CHRNA7: variants seen among roughly 807,000 people sequenced by gnomAD.
CHRNA7 encodes cholinergic receptor nicotinic alpha 7 subunit.
A neutral mutation model predicts 48.0 loss-of-function variants in CHRNA7; 17 were observed. The observed-to-expected ratio is 0.35, with a 90% CI of 0.24 to 0.53. The LOEUF (loss-of-function observed/expected upper bound fraction) is 0.53. CHRNA7 is among the 20% of genes least tolerant of loss of function. CHRNA7 has a pLI of 0.92. For missense variants in CHRNA7, 155 were observed against 577.7 expected (o/e 0.27, Z 7.50); for synonymous variants, 75 against 242.3 (o/e 0.31, Z 6.41).
At chr15:32,153,817 CT>C in intron 4 of CHRNA7, 89 bp from the exon 5 acceptor site, 2 of 410,744 alleles carry the variant, frequency 4.9e-6, no homozygotes, top group Non-Finnish European at 9.5e-6. Context: ...CTCTCAAGGT[CT>C]TTGCTGCTCC....
rs138918637 is a variant in CHRNA7 at position 32,098,379 on chromosome 15, C to T, written c.196-2924C>T. 6.9e-3 allele frequency among the ~76,000 whole-genome samples: 1,050 copies of T among 152,216 alleles called. 10 individuals are homozygous for T. Among genetic ancestry groups the T allele is most frequent in the African/African-American group, 0.024 (1,006 of 41,530 alleles). ...GGGAGGGAGGGCTTTTCTTGCCAGC[C>T]GGTCAAGGTCTTATAGGAGAAGACA... On this transcript the variant is annotated intron_variant, in intron 2 of 9. Transcript: ENST00000306901.
At chr15:32,052,139 G>T (rs1002411501) in intron 2 of CHRNA7, among the ~76,000 whole-genome samples, 1 of 151,512 alleles carries the variant, frequency 6.6e-6, no homozygotes, top group African/African-American at 2.4e-5. Context: ...CTCTCTTCCT[G>T]GATCTTGTCC....
At chr15:32,104,122 A>T (rs193269983) in intron 3 of CHRNA7, among the ~76,000 whole-genome samples, 5 of 152,196 alleles carry the variant, frequency 3.3e-5, no homozygotes, top group Non-Finnish European at 5.9e-5. Flanking sequence ...GTCTCCCTGG[A>T]CAGCATAGGA....
chr15:32,032,903 A>G lies in CHRNA7; in HGVS notation c.195+1866A>G, dbSNP rs140736166. 1.1e-4 allele frequency among the ~76,000 whole-genome samples: 17 copies of G among 152,322 alleles called. No homozygotes were observed. The East Asian group carries it at 3.1e-3, about 28-fold the overall frequency. Reference sequence around the variant, plus strand: ...TCTTTAAGAGACTCTTAAGAAACCAAGTTATTATGAGGAGCTCTGAGTCTT... The same window carrying G: ...TCTTTAAGAGACTCTTAAGAAACCAGGTTATTATGAGGAGCTCTGAGTCTT... On this transcript the variant is annotated intron_variant, in intron 2 of 9. Coordinates refer to ENST00000306901, the MANE Select transcript of CHRNA7 (RefSeq NM_000746.6).
intron 2 of CHRNA7, among the ~76,000 whole-genome samples, chr15:32,097,072 C>T (rs905227834): frequency 6.6e-6 from 1 of 152,112 alleles, no homozygotes; most frequent in Non-Finnish European, 1.5e-5. Context: ...TTGCAGCATG[C>T]TCCTCCTCTT....
intron 4 of CHRNA7, among the ~76,000 whole-genome samples, chr15:32,134,039 G>A (rs568708018): frequency 6.6e-6 from 1 of 152,306 alleles, no homozygotes; most frequent in Admixed American, 6.5e-5. Flanking sequence ...CAGGTGTGAG[G>A]CCAGGTGTGC....
chr15:32,140,045 T>C (rs1478312990), intron 4 of CHRNA7, among the ~76,000 whole-genome samples: 3 of 152,156 alleles, frequency 2.0e-5, no homozygotes, highest in Admixed American at 6.5e-5. Context: ...TTACATTAGA[T>C]ATTTCTCCTA....
At chr15:32,138,405 A>T (rs1389951686) in intron 4 of CHRNA7, among the ~76,000 whole-genome samples, 1 of 152,150 alleles carries the variant, frequency 6.6e-6, no homozygotes, top group Non-Finnish European at 1.5e-5. Flanking sequence ...GGTTCATAGC[A>T]TAACTGTGTG....
intron 2 of CHRNA7, among the ~76,000 whole-genome samples, chr15:32,051,375 T>C (rs758433076): frequency 3.7e-4 from 56 of 152,182 alleles, no homozygotes; most frequent in Non-Finnish European, 5.9e-4. Context: ...CCCCCAGCCT[T>C]GCTGAAGCCT....
chr15:32,048,244 G>A (rs978482098), intron 2 of CHRNA7, among the ~76,000 whole-genome samples: 5 of 152,130 alleles, frequency 3.3e-5, no homozygotes, highest in Non-Finnish European at 5.9e-5. Flanking sequence ...CAGAAGGAAC[G>A]GTACCAGTTC....
At chr15:32,108,548 T>C (rs992851853) in intron 3 of CHRNA7, among the ~76,000 whole-genome samples, 1 of 152,164 alleles carries the variant, frequency 6.6e-6, no homozygotes, top group Non-Finnish European at 1.5e-5. Flanking sequence ...TCCATATCCA[T>C]TCTTGGGAAA....
intron 2 of CHRNA7, among the ~76,000 whole-genome samples, chr15:32,031,386 G>A (rs1417184931): frequency 1.3e-5 from 2 of 152,206 alleles, no homozygotes; most frequent in African/African-American, 2.4e-5. Context: ...TCTCCCTTAT[G>A]GTGTAAGTGT....
At chr15:32,062,852 C>T (rs1408693117) in intron 2 of CHRNA7, among the ~76,000 whole-genome samples, 3 of 152,056 alleles carry the variant, frequency 2.0e-5, no homozygotes, top group East Asian at 3.8e-4. Flanking sequence ...CATTATTAGG[C>T]GATTTCGTTC....
At chr15:32,033,838 A>G (rs1209439824) in intron 2 of CHRNA7, among the ~76,000 whole-genome samples, 1 of 152,128 alleles carries the variant, frequency 6.6e-6, no homozygotes, top group Non-Finnish European at 1.5e-5. Flanking sequence ...ACTCCCAAAT[A>G]TTGTTATTGA....
intron 2 of CHRNA7, among the ~76,000 whole-genome samples, chr15:32,059,118 C>T (rs1032523150): frequency 6.6e-6 from 1 of 152,038 alleles, no homozygotes; most frequent in Non-Finnish European, 1.5e-5. Context: ...ATTCTCATGC[C>T]TCAGTCTCCC....
intron 2 of CHRNA7, among the ~76,000 whole-genome samples, chr15:32,088,063 T>C (rs958122318): frequency 3.9e-5 from 6 of 152,246 alleles, no homozygotes; most frequent in Non-Finnish European, 8.8e-5. Flanking sequence ...TACAGAATTC[T>C]CTGCCCTAGA....
intron 2 of CHRNA7, among the ~76,000 whole-genome samples, chr15:32,095,824 C>A (rs961513864): frequency 6.6e-6 from 1 of 152,202 alleles, no homozygotes; most frequent in Admixed American, 6.5e-5. Context: ...TTTCCGTGAT[C>A]GTAATCACAG....
At chr15:32,066,796 G>C (rs1162246433) in intron 2 of CHRNA7, among the ~76,000 whole-genome samples, 2 of 152,090 alleles carry the variant, frequency 1.3e-5, no homozygotes, top group Non-Finnish European at 2.9e-5. Context: ...AAACACTAAA[G>C]GAAAGTATAA....
intron 4 of CHRNA7, among the ~76,000 whole-genome samples, chr15:32,121,885 G>T (rs906375456): frequency 6.6e-6 from 1 of 152,202 alleles, no homozygotes; most frequent in African/African-American, 2.4e-5. Flanking sequence ...AGAGGGAAAA[G>T]AACAGAATAA....
Sources: gnomAD v4.1 joint callset for allele counts (sites outside exome capture counted in the v4.1 genomes callset) on GRCh38, gnomAD v4.1.1 for gene constraint, MANE v1.5 for transcripts, NCBI Gene and HGNC (gene_info 2026-07-23, HGNC 2026-07-21) for gene names.